SHISAL2B: variants seen among roughly 807,000 people sequenced by gnomAD.
SHISAL2B encodes the protein protein shisa-like-2B.
A neutral mutation model predicts 16.5 loss-of-function variants in SHISAL2B; 12 were observed. That is an observed-to-expected ratio of 0.73 (90% CI 0.47 to 1.18). The LOEUF (loss-of-function observed/expected upper bound fraction) is 1.18. SHISAL2B is among the 50% of genes most tolerant of loss of function. The pLI is 0.00. For synonymous variants in SHISAL2B, 72 were observed against 75.0 expected, an observed-to-expected ratio of 0.96 and a Z score of 0.21; for missense variants, 183 against 193.6, an observed-to-expected ratio of 0.95 and a Z score of 0.33.
At chr5:64,717,806 C>T (rs1265130649) in intron 2 of SHISAL2B, 83 bp from the exon 3 acceptor site, 2 of 1,238,650 alleles carry the variant, frequency 1.6e-6, no homozygotes, top group Non-Finnish European at 2.2e-6. Context: ...AATATTGCTA[C>T]AAAAATTATT....
At chr5:64,710,338 G>T (rs1407697699) in intron 2 of SHISAL2B, among the ~76,000 whole-genome samples, 1 of 111,282 alleles carries the variant, frequency 9.0e-6, no homozygotes, top group Non-Finnish European at 1.8e-5. Flanking sequence ...TCAAAGATCA[G>T]ATAATTGTAG....
chr5:64,703,866 G>A (rs1311340630), intron 2 of SHISAL2B, among the ~76,000 whole-genome samples: 1 of 152,036 alleles, frequency 6.6e-6, no homozygotes, highest in Non-Finnish European at 1.5e-5. Flanking sequence ...ATACTTGAGG[G>A]GAAGGCAGGG....
rs771008557 is a variant in SHISAL2B at position 64,690,765 on chromosome 5, G to A, written c.142G>A (p.Glu48Lys). The A allele has an allele frequency of 3.2e-6, 5 of 1,543,836 alleles. No individual in the cohort carries two copies. The highest frequency in any genetic ancestry group is 4.3e-6 in the Non-Finnish European group (5 of 1,151,592). ...CGCCGACCTCAAGTACTGCTGCAGC[G>A]AGCCGGGCAGCTACTTCCCCTACAA... ...GFADLKYCCS[E>K]PGSYFPYKHS... The change falls in exon 1 of 3, where the codon GAG becomes AAG. Residue 48 changes from glutamate to lysine, a missense_variant. By Grantham distance (56) the Glu-to-Lys change is moderately conservative (BLOSUM62 1). Transcript: ENST00000389074.
intron 2 of SHISAL2B, among the ~76,000 whole-genome samples, chr5:64,714,773 C>A (rs1043836577): frequency 3.6e-4 from 55 of 152,278 alleles, no homozygotes; most frequent in African/African-American, 1.3e-3. Context: ...GTCTGAAAAG[C>A]GCAATATTCG....
chr5:64,714,415 G>A (rs58202736), intron 2 of SHISAL2B, among the ~76,000 whole-genome samples: 1,618 of 148,854 alleles, frequency 0.011, 32 homozygotes, highest in African/African-American at 0.039. Context: ...CTCCAGCTGC[G>A]TGCTGGGAGA....
chr5:64,707,111 A>G (rs1267823490), intron 2 of SHISAL2B, among the ~76,000 whole-genome samples: 2 of 152,036 alleles, frequency 1.3e-5, no homozygotes, highest in Admixed American at 1.3e-4. Context: ...AATAGGACCA[A>G]TTTGTTTGCA....
chr5:64,702,939 T>C (rs1320891915), intron 2 of SHISAL2B, among the ~76,000 whole-genome samples: 5 of 152,210 alleles, frequency 3.3e-5, no homozygotes, highest in African/African-American at 1.2e-4. Flanking sequence ...TTGTTTATTT[T>C]AAGCTAATAA....
At chr5:64,693,402 G>C (rs1170040369) in intron 1 of SHISAL2B, among the ~76,000 whole-genome samples, 2 of 152,120 alleles carry the variant, frequency 1.3e-5, no homozygotes, top group African/African-American at 2.4e-5. Context: ...TGGATGGCAT[G>C]CTTTGTTTTT....
chr5:64,708,950 C>T (rs1360203051), intron 2 of SHISAL2B, among the ~76,000 whole-genome samples: 3 of 151,640 alleles, frequency 2.0e-5, no homozygotes. Context: ...AATTTCAGTG[C>T]TTCTAATATT....
At chr5:64,707,421 C>T (rs997124734) in intron 2 of SHISAL2B, among the ~76,000 whole-genome samples, 1 of 152,020 alleles carries the variant, frequency 6.6e-6, no homozygotes, top group Non-Finnish European at 1.5e-5. Flanking sequence ...CTACGGGGAC[C>T]GTGAGGACAT....
At position 64,718,126 on chromosome 5, in the gene SHISAL2B, C is replaced by A; in HGVS notation, c.*104C>A. On this transcript the variant is annotated 3_prime_UTR_variant, in exon 3 of 3. Coordinates refer to ENST00000389074, the MANE Select transcript of SHISAL2B (RefSeq NM_001164442.2). ...TATTGCTTTTCAAAAATTCGTCACT[C>A]ACAAAGCAAGACACAGCTGCATTTT... The A allele has an allele frequency of 9.9e-7, 1 of 1,005,488 alleles. No individual in the cohort carries two copies. The highest frequency in any genetic ancestry group is 1.4e-6 in the Non-Finnish European group (1 of 737,412). 62.3% of individuals were successfully genotyped at this position (1,005,488 alleles called of 1,614,324 possible). A position where few individuals can be genotyped will look rare whatever the true frequency, so the allele number is the denominator to read the frequency against.
chr5:64,696,285 A>C (rs1459490663), intron 2 of SHISAL2B, among the ~76,000 whole-genome samples: 1 of 152,202 alleles, frequency 6.6e-6, no homozygotes, highest in Admixed American at 6.5e-5. Flanking sequence ...TAAGCTGAGA[A>C]TGTATGTCAC....
intron 2 of SHISAL2B, among the ~76,000 whole-genome samples, chr5:64,708,826 G>T (rs148166733): frequency 4.2e-4 from 64 of 152,140 alleles, no homozygotes; most frequent in African/African-American, 1.5e-3. Context: ...AAATTATACT[G>T]ATTGCATGTT....
rs1251480512 is a variant in SHISAL2B, at chr5:64,695,628, A to C, written c.313A>C (p.Lys105Gln). ...TKPQRLDTGL[K>Q]LQHLEASSTQ... ...ACCTCAAAGATTAGACACTGGCCTT[A>C]AGCTTCAACACTTAGAGGCTTCTTC... is the stretch of plus-strand genomic sequence containing the variant. Residue 105 changes from lysine to glutamine, a missense_variant, in exon 2 of 3, where the codon AAG becomes CAG. Physicochemically the swap from Lys to Gln is moderately conservative, Grantham distance 53. Coordinates refer to ENST00000389074, the MANE Select transcript of SHISAL2B (RefSeq NM_001164442.2). 6 of 1,535,796 alleles carry C rather than the reference A, an allele frequency of 3.9e-6. No individual in the cohort carries two copies. Among genetic ancestry groups the C allele is most frequent in the African/African-American group, 1.4e-5 (1 of 72,984 alleles).
rs191228462 is a variant in SHISAL2B at position 64,693,506 on chromosome 5, T to A, written c.192-2001T>A. ...AAGTTAATTAAACTAACAATTTTGC[T>A]TTCAAATAGACTAAATTACATTTTT... is the stretch of plus-strand genomic sequence containing the variant. On this transcript the variant is annotated intron_variant, in intron 1 of 2. Transcript: ENST00000389074. Among the ~76,000 whole-genome samples, 607 of 152,338 alleles carry A rather than the reference T, an allele frequency of 4.0e-3. 2 individuals carry two copies. The highest frequency in any genetic ancestry group is 0.014 in the African/African-American group (565 of 41,580).
At chr5:64,702,479 C>T (rs141397359) in intron 2 of SHISAL2B, among the ~76,000 whole-genome samples, 4,718 of 151,996 alleles carry the variant, frequency 0.031, 262 homozygotes, top group African/African-American at 0.11. Flanking sequence ...GGATTACAGG[C>T]GTGAGCCACC....
Position 64,711,510 on chromosome 5 carries a change from G to A in SHISAL2B, c.350-6379G>A, listed in dbSNP as rs1305555329. Among the ~76,000 whole-genome samples the A allele has an allele frequency of 2.6e-3, 252 of 96,708 alleles. 1 individual carries two copies. Among genetic ancestry groups the A allele is most frequent in the African/African-American group, 0.011 (230 of 20,972 alleles). 63.4% of individuals were successfully genotyped at this position (96,708 alleles called of 152,430 possible). A position where few individuals can be genotyped will look rare whatever the true frequency, so the allele number is the denominator to read the frequency against. ...TGGTCTAAAATTCTCTTTTTTGGTT[G>A]TGTCTCTGCCCGGCTTTGGTATCAG... is the stretch of plus-strand genomic sequence containing the variant. On this transcript the variant is annotated intron_variant, in intron 2 of 2. Coordinates refer to ENST00000389074, the MANE Select transcript of SHISAL2B (RefSeq NM_001164442.2).
In SHISAL2B at chr5:64,700,383, G is replaced by A. The variant is rs188635830; in HGVS notation, c.349+4719G>A. 5.3e-5 allele frequency among the ~76,000 whole-genome samples: 8 copies of A among 152,258 alleles called. 1 individual carries two copies. Among genetic ancestry groups the A allele is most frequent in the Admixed American group, 4.6e-4 (7 of 15,290 alleles). ...ATATAAACTGGCATAGTATTTGCAT[G>A]TAACTACACATATCCTTCCATTTTA... On this transcript the variant is annotated intron_variant, in intron 2 of 2. Coordinates refer to ENST00000389074, the MANE Select transcript of SHISAL2B (RefSeq NM_001164442.2).
chr5:64,708,316 T>C (rs1741902320), intron 2 of SHISAL2B, among the ~76,000 whole-genome samples: 1 of 152,152 alleles, frequency 6.6e-6, no homozygotes, highest in Non-Finnish European at 1.5e-5. Flanking sequence ...AGGACCCAAG[T>C]TAGAATTTGA....
Sources: allele counts gnomAD v4.1 joint callset (sites outside exome capture counted in the v4.1 genomes callset), GRCh38; gene constraint gnomAD v4.1.1; transcripts MANE v1.5; gene names NCBI Gene and HGNC (gene_info 2026-07-23, HGNC 2026-07-21).